EPB41L3: variants seen among roughly 807,000 people sequenced by gnomAD.
EPB41L3 encodes band 4.1-like protein 3.
In EPB41L3, 57 loss-of-function variants were observed where a neutral mutation model predicts 127.1. That is an observed-to-expected ratio of 0.45 (90% CI 0.36 to 0.56). The LOEUF is 0.56. EPB41L3 is among the 20% of genes least tolerant of loss of function. The pLI, the probability that EPB41L3 is intolerant of heterozygous loss-of-function variation, is 0.00. For missense variants in EPB41L3, 1,273 were observed against 1,372.2 expected (o/e 0.93, Z 1.14); for synonymous variants, 572 against 549.5 (o/e 1.04, Z -0.57).
At chr18:5,589,990 T>G (rs1268398823) in intron 3 of EPB41L3, among the ~76,000 whole-genome samples, 2 of 152,182 alleles carry the variant, frequency 1.3e-5, no homozygotes, top group Non-Finnish European at 2.9e-5. Flanking sequence ...AAAGGAGCAA[T>G]TTCCACATTT....
chr18:5,469,619 G>A (rs907254696), intron 3 of EPB41L3, among the ~76,000 whole-genome samples: 1 of 152,166 alleles, frequency 6.6e-6, no homozygotes, highest in African/African-American at 2.4e-5. Flanking sequence ...AGCCCAATGG[G>A]CCTGAGCAAA....
intron 3 of EPB41L3, among the ~76,000 whole-genome samples, chr18:5,589,957 G>T (rs1241784020): frequency 6.6e-6 from 1 of 152,064 alleles, no homozygotes; most frequent in Non-Finnish European, 1.5e-5. Flanking sequence ...TGTCCTTTTC[G>T]GGATAGAAAG....
intron 1 of EPB41L3, among the ~76,000 whole-genome samples, chr18:5,535,123 T>C (rs1038025471): frequency 6.6e-6 from 1 of 152,016 alleles, no homozygotes; most frequent in African/African-American, 2.4e-5. Context: ...GGGATCTAGG[T>C]TGTGCATTCC....
At position 5,443,722 on chromosome 18, in the gene EPB41L3, T is replaced by C. The variant is rs973921476; in HGVS notation, c.529+116A>G. The C allele has an allele frequency of 2.3e-5, 17 of 750,582 alleles. 1 individual carries two copies. Among genetic ancestry groups the C allele is most frequent in the Admixed American group, 2.1e-4 (7 of 33,320 alleles). The allele number at this position is 750,582 out of a possible 1,614,324, so 46.5% of individuals were successfully genotyped here. On this transcript the variant is annotated intron_variant, in intron 5 of 22. Coordinates refer to ENST00000341928, the MANE Select transcript of EPB41L3 (RefSeq NM_012307.5). The stretch of plus-strand genomic sequence containing the variant: ...TACTATCGGAATTGCCAGATCAAAT[T>C]TGAGATAAGAAAAGCTTGTATTCAC...
intron 1 of EPB41L3, among the ~76,000 whole-genome samples, chr18:5,502,030 CCCTCCTGCCTCCTGCCTCCTGCCTCCTG>C (rs149341118): frequency 6.6e-6 from 1 of 151,668 alleles, no homozygotes; most frequent in Non-Finnish European, 1.5e-5. Context: ...TCGCCATCTT[CCCTCCTGCCTCCTGCCTCCTGCCTCCTG>C]CCTCCTGCCT....
chr18:5,451,900 G>A (rs945866580), intron 3 of EPB41L3, among the ~76,000 whole-genome samples: 3 of 152,106 alleles, frequency 2.0e-5, no homozygotes, highest in Non-Finnish European at 2.9e-5. Context: ...GTCCAGTGGC[G>A]TGATCTCGGC....
chr18:5,434,337 C>T (rs1215618478), intron 6 of EPB41L3, among the ~76,000 whole-genome samples: 2 of 152,296 alleles, frequency 1.3e-5, no homozygotes, highest in East Asian at 3.9e-4. Context: ...TATTTAAAGG[C>T]ATTTAGAAGC....
intron 5 of EPB41L3, 99 bp downstream of exon 5, chr18:5,443,739 T>C (rs2081103274): frequency 1.2e-6 from 1 of 860,694 alleles, no homozygotes; most frequent in Non-Finnish European, 1.8e-6. Context: ...AAGAAAAGCT[T>C]GTATTCACAC....
At chr18:5,426,055 T>A (rs1568113773) in intron 9 of EPB41L3, among the ~76,000 whole-genome samples, 1 of 152,152 alleles carries the variant, frequency 6.6e-6, no homozygotes, top group Non-Finnish European at 1.5e-5. Context: ...TTTCTTCTTT[T>A]ATTTCTCTGG....
At chr18:5,565,809 T>C (rs1039138342) in intron 3 of EPB41L3, among the ~76,000 whole-genome samples, 8 of 152,054 alleles carry the variant, frequency 5.3e-5, no homozygotes, top group African/African-American at 1.9e-4. Flanking sequence ...CATGAACTCA[T>C]CACTTTTTAT....
At chr18:5,455,938 G>A (rs1384711824) in intron 3 of EPB41L3, among the ~76,000 whole-genome samples, 1 of 151,956 alleles carries the variant, frequency 6.6e-6, no homozygotes, top group African/African-American at 2.4e-5. Flanking sequence ...ACTTAAACCT[G>A]AATCACGTAA....
intron 3 of EPB41L3, among the ~76,000 whole-genome samples, chr18:5,476,675 T>C (rs936125584): frequency 2.6e-5 from 4 of 152,202 alleles, no homozygotes; most frequent in African/African-American, 9.7e-5. Flanking sequence ...AAGTTTCTCT[T>C]GACTTGGATC....
chr18:5,480,438 T>C (rs1478647531), intron 2 of EPB41L3, among the ~76,000 whole-genome samples: 1 of 152,212 alleles, frequency 6.6e-6, no homozygotes, highest in Non-Finnish European at 1.5e-5. Context: ...TTACCCTCAT[T>C]TGCATATAAG....
intron 16 of EPB41L3, chr18:5,400,469 AT>A: frequency 4.4e-6 from 2 of 455,522 alleles, no homozygotes; most frequent in South Asian, 3.1e-5. Context: ...TTGTTGCTAG[AT>A]TAAATGAAAT....
chr18:5,464,613 A>AT (rs2084629295), intron 3 of EPB41L3, among the ~76,000 whole-genome samples: 1 of 152,184 alleles, frequency 6.6e-6, no homozygotes, highest in Non-Finnish European at 1.5e-5. Flanking sequence ...GTCCCTAGTC[A>AT]TTTTTTTAAA....
chr18:5,396,205 G>A lies in EPB41L3; in HGVS notation c.2969C>T (p.Ser990Leu). The A allele has an allele frequency of 6.2e-7, 1 of 1,614,138 alleles. No homozygotes were observed. Residue 990 changes from serine to leucine, a missense_variant, in exon 19 of 23, where the codon TCA becomes TTA. By Grantham distance (145) the Ser-to-Leu change is moderately radical. Coordinates refer to ENST00000341928, the MANE Select transcript of EPB41L3 (RefSeq NM_012307.5). Reference sequence around the variant, plus strand: ...GGTCTTCACAGAATATCTCACCTGTGATGATTCATATGTGATGGTTTTGGT... The same window carrying A: ...GGTCTTCACAGAATATCTCACCTGTAATGATTCATATGTGATGGTTTTGGT... ...TETKTITYESSQVDPGTDLEP... is the reference protein window; with the variant it reads ...TETKTITYESLQVDPGTDLEP...
At chr18:5,426,830 A>G (rs1398309246) in intron 9 of EPB41L3, among the ~76,000 whole-genome samples, 1 of 152,250 alleles carries the variant, frequency 6.6e-6, no homozygotes, top group Non-Finnish European at 1.5e-5. Flanking sequence ...CAAATGTTCA[A>G]TGAAGTCAAA....
intron 3 of EPB41L3, among the ~76,000 whole-genome samples, chr18:5,455,808 T>C (rs949148410): frequency 6.9e-6 from 1 of 144,874 alleles, no homozygotes; most frequent in African/African-American, 2.6e-5. Flanking sequence ...ACATACGAGA[T>C]GTTGGCAGCA....
chr18:5,559,978 T>A (rs950515846), intron 3 of EPB41L3, among the ~76,000 whole-genome samples: 1 of 152,246 alleles, frequency 6.6e-6, no homozygotes, highest in Non-Finnish European at 1.5e-5. Flanking sequence ...TTCCTTTATA[T>A]GATTTTTCTT....
Sources: gnomAD v4.1 joint callset for allele counts (sites outside exome capture counted in the v4.1 genomes callset) on GRCh38, gnomAD v4.1.1 for gene constraint, MANE v1.5 for transcripts, NCBI Gene and HGNC (gene_info 2026-07-23, HGNC 2026-07-21) for gene names.